PRKAA2: variants seen among roughly 807,000 people sequenced by gnomAD.
PRKAA2 encodes the protein 5'-AMP-activated protein kinase catalytic subunit alpha-2.
Under a neutral mutation model 56.3 loss-of-function variants are expected in PRKAA2, and 40 were observed. The observed-to-expected ratio is 0.71, with a 90% confidence interval of 0.55 to 0.92. The LOEUF (loss-of-function observed/expected upper bound fraction) is 0.92, where lower values mean the gene tolerates loss of function less well. Ranked by LOEUF, PRKAA2 falls within the 40% of genes least tolerant of loss-of-function variation. PRKAA2 has a pLI of 0.00. For synonymous variants in PRKAA2, 214 were observed against 234.2 expected, an observed-to-expected ratio of 0.91 and a Z score of 0.79; for missense variants, 542 against 686.9, an observed-to-expected ratio of 0.79 and a Z score of 2.36.
At chr1:56,670,981 G>T (rs561523450) in intron 1 of PRKAA2, among the ~76,000 whole-genome samples, 1 of 152,208 alleles carries the variant, frequency 6.6e-6, no homozygotes, top group South Asian at 2.1e-4. Flanking sequence ...TCATGTGTCT[G>T]TCTATGATCA....
At chr1:56,661,262 A>C (rs1202706877) in intron 1 of PRKAA2, among the ~76,000 whole-genome samples, 1 of 152,128 alleles carries the variant, frequency 6.6e-6, no homozygotes, top group Non-Finnish European at 1.5e-5. Flanking sequence ...TTCTCAATAA[A>C]TTTTCACAAA....
chr1:56,648,066 T>TG (rs1463949931), intron 1 of PRKAA2, among the ~76,000 whole-genome samples: 10 of 152,042 alleles, frequency 6.6e-5, no homozygotes, highest in African/African-American at 2.2e-4. Context: ...AACAACTTAT[T>TG]TAGGTATATT....
intron 1 of PRKAA2, among the ~76,000 whole-genome samples, chr1:56,657,351 T>G (rs2245475): frequency 4.6e-5 from 7 of 151,974 alleles, no homozygotes; most frequent in African/African-American, 1.7e-4. Flanking sequence ...AACTGCCAGC[T>G]TATAATTTTA....
chr1:56,661,405 G>T (rs1350012276), intron 1 of PRKAA2, among the ~76,000 whole-genome samples: 1 of 152,104 alleles, frequency 6.6e-6, no homozygotes, highest in Non-Finnish European at 1.5e-5. Context: ...TCCATGGATA[G>T]TTTCACCTGT....
chr1:56,700,062 C>T (rs1326987128), intron 6 of PRKAA2, among the ~76,000 whole-genome samples: 3 of 152,126 alleles, frequency 2.0e-5, no homozygotes, highest in Non-Finnish European at 4.4e-5. Context: ...TTTACATACA[C>T]AGTTTGTATG....
chr1:56,684,199 A>G (rs898028018), intron 2 of PRKAA2, among the ~76,000 whole-genome samples: 11 of 152,146 alleles, frequency 7.2e-5, no homozygotes, highest in Admixed American at 6.6e-4. Context: ...GTTGCCAGTA[A>G]CTGAAGTGGA....
At chr1:56,654,912 C>G (rs1643928227) in intron 1 of PRKAA2, among the ~76,000 whole-genome samples, 1 of 151,782 alleles carries the variant, frequency 6.6e-6, no homozygotes, top group Non-Finnish European at 1.5e-5. Flanking sequence ...TTTTAAACAG[C>G]CTTTTATATG....
rs144698190 is a variant in PRKAA2, at chr1:56,686,883, CTTT to C, written c.237-4495_237-4493del. ...ACATTATAGAAACAACCTAAATACTCTTTTTTTTTTTTTTTTTTGAGACAGAGT... is the reference window on the plus strand; with the variant it reads ...ACATTATAGAAACAACCTAAATACTCTTTTTTTTTTTTTTTGAGACAGAGT... On this transcript the variant is annotated intron_variant, in intron 2 of 8. Transcript: ENST00000371244. Among the ~76,000 whole-genome samples the C allele has an allele frequency of 7.8e-3, 1,007 of 128,534 alleles. 10 individuals are homozygous for C. Among genetic ancestry groups the C allele is most frequent in the African/African-American group, 0.021 (709 of 34,118 alleles). 84.3% of individuals were successfully genotyped at this position (128,534 alleles called of 152,430 possible).
rs1466086920 is a variant in PRKAA2, at chr1:56,680,915, T to A, written c.236+6393T>A. Among the ~76,000 whole-genome samples the A allele has an allele frequency of 2.6e-5, 4 of 152,218 alleles. No homozygotes were observed. In the East Asian group the frequency reaches 5.8e-4, roughly 22 times the overall value. ...GTCAAATGGTATTTCTAGTTCTAGA[T>A]CCTTGAGGAATCACCACACTGTGTT... On this transcript the variant is annotated intron_variant, in intron 2 of 8. Coordinates refer to ENST00000371244, the MANE Select transcript of PRKAA2 (RefSeq NM_006252.4).
intron 1 of PRKAA2, among the ~76,000 whole-genome samples, chr1:56,666,591 C>T (rs1644037872): frequency 6.6e-6 from 1 of 152,128 alleles, no homozygotes; most frequent in Admixed American, 6.6e-5. Context: ...TACAGTTCAA[C>T]TGAAATTTGC....
In PRKAA2 at chr1:56,701,288, G is replaced by A. The variant is rs938755502; in HGVS notation, c.789-2683G>A. Among the ~76,000 whole-genome samples, 14 of 152,006 alleles carry A rather than the reference G, an allele frequency of 9.2e-5. No individual in the cohort carries two copies. In the East Asian group the frequency reaches 1.2e-3, roughly 13 times the overall value. Reference sequence around the variant, plus strand: ...TGTGCACCTGTAATCCCAGGTACTCGGGAGGCTGAGACAGGAGAATCACTT... The same window carrying A: ...TGTGCACCTGTAATCCCAGGTACTCAGGAGGCTGAGACAGGAGAATCACTT... On this transcript the variant is annotated intron_variant, in intron 6 of 8. Transcript: ENST00000371244.
At chr1:56,652,082 G>A (rs988530915) in intron 1 of PRKAA2, among the ~76,000 whole-genome samples, 24 of 148,430 alleles carry the variant, frequency 1.6e-4, no homozygotes, top group Non-Finnish European at 1.5e-5. Flanking sequence ...GCGCGATCTC[G>A]GCTCACTACA....
chr1:56,664,547 C>A (rs1203992224), intron 1 of PRKAA2, among the ~76,000 whole-genome samples: 2 of 151,664 alleles, frequency 1.3e-5, no homozygotes, highest in African/African-American at 2.4e-5. Flanking sequence ...TCTTTTTTTA[C>A]ATGCATGTTT....
At chr1:56,661,046 G>GTGCATTACATAACGC (rs1478746959) in intron 1 of PRKAA2, among the ~76,000 whole-genome samples, 2 of 152,042 alleles carry the variant, frequency 1.3e-5, no homozygotes, top group Admixed American at 1.3e-4. Context: ...CGGAACATAT[G>GTGCATTACATAACGC]TGCATTACAT....
intron 1 of PRKAA2, among the ~76,000 whole-genome samples, chr1:56,672,172 C>G (rs1010057121): frequency 2.0e-5 from 3 of 152,134 alleles, no homozygotes; most frequent in Admixed American, 1.3e-4. Flanking sequence ...GGCTGTATTG[C>G]AGTGGCACCA....
chr1:56,706,047 G>T, intron 7 of PRKAA2, 45 bp from the exon 8 acceptor site: 1 of 1,522,412 alleles, frequency 6.6e-7, no homozygotes, highest in Non-Finnish European at 9.0e-7. Context: ...GCATAAAAAG[G>T]TAGATATTTT....
chr1:56,690,229 T>C lies in PRKAA2; in HGVS notation c.237-1165T>C, dbSNP rs146013894. On this transcript the variant is annotated intron_variant, in intron 2 of 8. Transcript: ENST00000371244. The stretch of plus-strand genomic sequence containing the variant: ...CCCATGCTGGAGTGCAGTGGCACGA[T>C]CTTGGCTCACCGCAAGCTCTGCCTC... Among the ~76,000 whole-genome samples the C allele has an allele frequency of 6.2e-3, 937 of 151,650 alleles. 9 individuals are homozygous for C. The highest frequency in any genetic ancestry group is 0.021 in the African/African-American group (883 of 41,324).
intron 1 of PRKAA2, among the ~76,000 whole-genome samples, chr1:56,671,093 G>A (rs1292118883): frequency 2.6e-5 from 4 of 152,068 alleles, no homozygotes; most frequent in South Asian, 4.2e-4. Context: ...CTTTTGTTTC[G>A]ATTTACACAA....
At position 56,704,010 on chromosome 1, in the gene PRKAA2, A is replaced by C; in HGVS notation, c.828A>C (p.Leu276Phe). The part of the protein sequence containing the change: ...EWFKQDLPSY[L>F]FPEDPSYDAN... ...TTAAACAAGATTTGCCCAGTTACTT[A>C]TTTCCTGAAGACCCTTCCTATGATG... The change falls in exon 7 of 9, where the codon TTA (leucine) becomes TTC (phenylalanine). Residue 276 changes from leucine to phenylalanine, a missense_variant. By Grantham distance (22) the Leu-to-Phe change is conservative. Around this residue, in one of 5 missense-constraint regions of PRKAA2, gnomAD observed 198 missense variants for 234.0 expected, o/e 0.85. Coordinates refer to ENST00000371244, the MANE Select transcript of PRKAA2 (RefSeq NM_006252.4). 1 of 1,612,954 alleles carries C rather than the reference A, an allele frequency of 6.2e-7. No individual in the cohort carries two copies. Among genetic ancestry groups the C allele is most frequent in the Non-Finnish European group, 8.5e-7 (1 of 1,179,274 alleles).
Sources: gnomAD v4.1 joint callset for allele counts (sites outside exome capture counted in the v4.1 genomes callset) on GRCh38, gnomAD v4.1.1 for gene constraint, gnomAD v4.1.1 regional missense constraint, MANE v1.5 for transcripts, NCBI Gene and HGNC (gene_info 2026-07-23, HGNC 2026-07-21) for gene names.